Variants in MARK1 observed in about 807,000 individuals in gnomAD.
MARK1 encodes the protein serine/threonine-protein kinase MARK1.
Under a neutral mutation model 96.3 loss-of-function variants are expected in MARK1, and 40 were observed. The ratio of observed to expected loss-of-function variants is 0.42; its 90% CI spans 0.32 to 0.54. MARK1 has a LOEUF of 0.54. MARK1 is among the 20% of genes least tolerant of loss of function. MARK1 has a pLI of 0.16. For synonymous variants in MARK1, 317 were observed against 341.2 expected, an observed-to-expected ratio of 0.93 and a Z score of 0.78; for missense variants, 719 against 984.6, an observed-to-expected ratio of 0.73 and a Z score of 3.61.
At chr1:220,642,973 G>T (rs1037497848) in intron 13 of MARK1, among the ~76,000 whole-genome samples, 1 of 152,046 alleles carries the variant, frequency 6.6e-6, no homozygotes, top group African/African-American at 2.4e-5. Flanking sequence ...AAAGATCAAA[G>T]GTACATAAAT....
intron 1 of MARK1, among the ~76,000 whole-genome samples, chr1:220,562,790 T>G (rs1662762366): frequency 6.6e-6 from 1 of 152,244 alleles, no homozygotes; most frequent in Non-Finnish European, 1.5e-5. Context: ...TTTAGATTAC[T>G]TATAATACCG....
intron 1 of MARK1, among the ~76,000 whole-genome samples, chr1:220,551,398 G>A (rs1201945186): frequency 1.3e-5 from 2 of 152,274 alleles, no homozygotes; most frequent in African/African-American, 4.8e-5. Context: ...TCTGGGAAAC[G>A]GAGTTCCAGT....
At chr1:220,534,275 A>C in intron 1 of MARK1, among the ~76,000 whole-genome samples, 1 of 152,126 alleles carries the variant, frequency 6.6e-6, no homozygotes, top group Non-Finnish European at 1.5e-5. Flanking sequence ...ATCACTTTAC[A>C]TATTGATCTT....
intron 13 of MARK1, among the ~76,000 whole-genome samples, chr1:220,644,441 A>T (rs1009093452): frequency 5.9e-5 from 5 of 84,414 alleles, no homozygotes; most frequent in South Asian, 4.7e-4. Flanking sequence ...ACCTACAAAG[A>T]GACTTAGACC....
At chr1:220,636,080 T>C in intron 13 of MARK1, 54 bp downstream of exon 13, 1 of 1,257,828 alleles carries the variant, frequency 8.0e-7, no homozygotes. Flanking sequence ...GTTTTAGGGT[T>C]ATGTGTAAAA....
At chr1:220,532,941 T>C (rs1660413058) in intron 1 of MARK1, among the ~76,000 whole-genome samples, 2 of 151,236 alleles carry the variant, frequency 1.3e-5, no homozygotes, top group Admixed American at 1.3e-4. Context: ...GCCGAGGAGA[T>C]AAAGGCTACA....
At chr1:220,626,890 A>G (rs944845737) in intron 9 of MARK1, 3 of 489,024 alleles carry the variant, frequency 6.1e-6, no homozygotes, top group African/African-American at 4.0e-5. Context: ...TAACCTGCCT[A>G]TGCTGATGCT....
chr1:220,573,816 T>C (rs1663648131), intron 1 of MARK1, among the ~76,000 whole-genome samples: 1 of 149,908 alleles, frequency 6.7e-6, no homozygotes, highest in South Asian at 2.1e-4. Context: ...ATATGTAGTA[T>C]ATATTGTAGT....
chr1:220,643,825 T>C (rs1228418568), intron 13 of MARK1, among the ~76,000 whole-genome samples: 1 of 152,172 alleles, frequency 6.6e-6, no homozygotes, highest in Non-Finnish European at 1.5e-5. Context: ...CAAACTAAGC[T>C]TCAAAAATGA....
intron 1 of MARK1, among the ~76,000 whole-genome samples, chr1:220,547,313 T>G (rs1275873769): frequency 1.3e-5 from 2 of 152,182 alleles, no homozygotes; most frequent in East Asian, 1.9e-4. Context: ...GGCTTACTAG[T>G]GAATTGTTAA....
chr1:220,645,982 C>T lies in MARK1; in HGVS notation c.1471-4638C>T, dbSNP rs533577336. On this transcript the variant is annotated intron_variant, in intron 13 of 17. Coordinates refer to ENST00000366917, the MANE Select transcript of MARK1 (RefSeq NM_018650.5). ...AATGGGCAAAAGCTGGAAGCATTCCCCCTTGAAAACTGGCACAAGACAAGG... is the reference window on the plus strand; with the variant it reads ...AATGGGCAAAAGCTGGAAGCATTCCTCCTTGAAAACTGGCACAAGACAAGG... Among the ~76,000 whole-genome samples the T allele has an allele frequency of 4.4e-4, 67 of 152,276 alleles. 1 individual carries two copies. The highest frequency in any genetic ancestry group is 1.4e-3 in the African/African-American group (59 of 41,562).
intron 3 of MARK1, among the ~76,000 whole-genome samples, chr1:220,589,897 C>T (rs547782146): frequency 2.6e-5 from 4 of 152,278 alleles, no homozygotes; most frequent in Admixed American, 2.0e-4. Flanking sequence ...GAGTGTATGA[C>T]ACATGCAATA....
At chr1:220,661,502 G>T (rs1003269326) in intron 17 of MARK1, among the ~76,000 whole-genome samples, 1 of 152,166 alleles carries the variant, frequency 6.6e-6, no homozygotes, top group Non-Finnish European at 1.5e-5. Flanking sequence ...CTTGAACAGA[G>T]AAATATGGAA....
chr1:220,624,329 G>A (rs1435989655), intron 9 of MARK1, among the ~76,000 whole-genome samples: 9 of 147,394 alleles, frequency 6.1e-5, no homozygotes, highest in African/African-American at 2.3e-4. Flanking sequence ...GTTGGGCACG[G>A]TGGTTCACAG....
chr1:220,563,049 C>T (rs1023724148), intron 1 of MARK1, among the ~76,000 whole-genome samples: 2 of 152,150 alleles, frequency 1.3e-5, no homozygotes, highest in African/African-American at 4.8e-5. Context: ...AAGACACAGT[C>T]TCTTGGCAGG....
At chr1:220,619,675 A>T (rs1666948724) in intron 9 of MARK1, among the ~76,000 whole-genome samples, 1 of 152,166 alleles carries the variant, frequency 6.6e-6, no homozygotes, top group Non-Finnish European at 1.5e-5. Flanking sequence ...ACAGCCAAGC[A>T]AGTTCACATA....
rs929693898 is a variant in MARK1, at chr1:220,663,687, G to A, written c.*1521G>A. The A allele has an allele frequency of 2.0e-5, 3 of 152,334 alleles. No homozygotes were observed. Among genetic ancestry groups the A allele is most frequent in the African/African-American group, 7.3e-5 (3 of 41,358 alleles). The allele number at this position is 152,334 out of a possible 1,614,324, so 9.4% of individuals were successfully genotyped here. A position where few individuals can be genotyped will look rare whatever the true frequency, so the allele number is the denominator to read the frequency against. ...TCCATAATGGCTTCCAGACTAGGGTGAATTTTATGTTCTGTACTGTACTGT... is the reference window on the plus strand; with the variant it reads ...TCCATAATGGCTTCCAGACTAGGGTAAATTTTATGTTCTGTACTGTACTGT... On this transcript the variant is annotated 3_prime_UTR_variant, in exon 18 of 18. Transcript: ENST00000366917.
At chr1:220,590,512 T>A (rs1664915612) in intron 3 of MARK1, among the ~76,000 whole-genome samples, 1 of 152,168 alleles carries the variant, frequency 6.6e-6, no homozygotes, top group Non-Finnish European at 1.5e-5. Flanking sequence ...TGACCTTATT[T>A]AACCTTCATT....
At chr1:220,536,928 T>G (rs1039690966) in intron 1 of MARK1, among the ~76,000 whole-genome samples, 1 of 152,132 alleles carries the variant, frequency 6.6e-6, no homozygotes, top group Non-Finnish European at 1.5e-5. Context: ...TTCTTTACTG[T>G]AAATAACCTT....
Sources: gnomAD v4.1 joint callset for allele counts (sites outside exome capture counted in the v4.1 genomes callset) on GRCh38, gnomAD v4.1.1 for gene constraint, MANE v1.5 for transcripts, NCBI Gene and HGNC (gene_info 2026-07-23, HGNC 2026-07-21) for gene names.